GPC5: variants seen among roughly 807,000 people sequenced by gnomAD.
GPC5 encodes glypican-5.
A neutral mutation model predicts 53.9 loss-of-function variants in GPC5; 47 were observed. That is an observed-to-expected ratio of 0.87 (90% CI 0.69 to 1.11). The LOEUF is 1.11. Among genes scored for constraint, GPC5 ranks in the 50% most tolerant of loss-of-function variants. The pLI is 0.00. For synonymous variants in GPC5, 286 were observed against 263.3 expected (o/e 1.09, Z -0.84); for missense variants, 748 against 713.1 (o/e 1.05, Z -0.56).
Position 92,454,284 on chromosome 13 carries a change from C to A in GPC5, c.1561+309295C>A, listed in dbSNP as rs34322289. Among the ~76,000 whole-genome samples the A allele has an allele frequency of 5.2e-3, 785 of 152,178 alleles. 11 individuals carry two copies. The highest frequency in any genetic ancestry group is 0.02 in the Middle Eastern group (6 of 294). On this transcript the variant is annotated intron_variant, in intron 7 of 7. Coordinates refer to ENST00000377067, the MANE Select transcript of GPC5 (RefSeq NM_004466.6). ...TCTCATAAATGTGACTTGTCTTTAT[C>A]AAAAATTGATTTACTGGTTTTATGT... is the stretch of plus-strand genomic sequence containing the variant.
chr13:91,734,754 A>C (rs1314034586), intron 4 of GPC5, among the ~76,000 whole-genome samples: 1 of 151,352 alleles, frequency 6.6e-6, no homozygotes, highest in Non-Finnish European at 1.5e-5. Context: ...CATATCTTTA[A>C]TTTCCAAATA....
intron 5 of GPC5, among the ~76,000 whole-genome samples, chr13:91,870,264 G>C (rs189499016): frequency 4.6e-5 from 7 of 152,288 alleles, no homozygotes; most frequent in Non-Finnish European, 1.0e-4. Context: ...TCAAGAACAA[G>C]AGAATGGTTT....
intron 1 of GPC5, among the ~76,000 whole-genome samples, chr13:91,441,310 A>T (rs1315410457): frequency 6.6e-6 from 1 of 152,194 alleles, no homozygotes; most frequent in Non-Finnish European, 1.5e-5. Context: ...GCCATTAAAG[A>T]GGTGTTATCA....
At chr13:91,924,973 A>C (rs998033473) in intron 6 of GPC5, among the ~76,000 whole-genome samples, 1 of 151,834 alleles carries the variant, frequency 6.6e-6, no homozygotes, top group South Asian at 2.1e-4. Flanking sequence ...GTGCCTGCCA[A>C]CACGCCCAGC....
At chr13:92,289,853 G>A (rs1297163439) in intron 7 of GPC5, among the ~76,000 whole-genome samples, 2 of 151,750 alleles carry the variant, frequency 1.3e-5, no homozygotes, top group Non-Finnish European at 2.9e-5. Context: ...TTTTTCAAAA[G>A]CTCATAATCT....
intron 5 of GPC5, among the ~76,000 whole-genome samples, chr13:91,803,604 G>T (rs189217984): frequency 3.7e-3 from 562 of 152,186 alleles, no homozygotes; most frequent in Non-Finnish European, 5.7e-3. Context: ...AAAGGTGTGC[G>T]TGTTACCCAG....
At chr13:92,736,683 A>G (rs531996449) in intron 7 of GPC5, among the ~76,000 whole-genome samples, 20 of 151,960 alleles carry the variant, frequency 1.3e-4, no homozygotes, top group African/African-American at 4.1e-4. Context: ...TCTGTTTACC[A>G]CAATCTTTTT....
intron 7 of GPC5, among the ~76,000 whole-genome samples, chr13:92,860,661 A>C (rs1259825129): frequency 6.6e-6 from 1 of 152,142 alleles, no homozygotes; most frequent in African/African-American, 2.4e-5. Context: ...GACCAAAGTT[A>C]ACAGTTTAAA....
intron 2 of GPC5, among the ~76,000 whole-genome samples, chr13:91,530,939 T>G (rs1295966755): frequency 6.6e-6 from 1 of 152,242 alleles, no homozygotes; most frequent in Non-Finnish European, 1.5e-5. Context: ...TTCTTTGGTA[T>G]CATGGTATGG....
At chr13:91,688,481 A>C (rs775230321) in intron 2 of GPC5, among the ~76,000 whole-genome samples, 3 of 152,176 alleles carry the variant, frequency 2.0e-5, no homozygotes, top group Non-Finnish European at 2.9e-5. Context: ...TATCAGGTTT[A>C]ATACATATTG....
chr13:92,613,634 T>C (rs1884573816), intron 7 of GPC5, among the ~76,000 whole-genome samples: 1 of 137,078 alleles, frequency 7.3e-6, no homozygotes, highest in African/African-American at 2.7e-5. Context: ...TATTATATTT[T>C]ATAAATATTA....
chr13:91,840,596 C>G (rs1447162377), intron 5 of GPC5, among the ~76,000 whole-genome samples: 1 of 151,858 alleles, frequency 6.6e-6, no homozygotes, highest in Non-Finnish European at 1.5e-5. Context: ...GTTTGTTCCC[C>G]TCCCCTGCAA....
At chr13:92,623,175 AAAG>A (rs1355485186) in intron 7 of GPC5, among the ~76,000 whole-genome samples, 1 of 152,200 alleles carries the variant, frequency 6.6e-6, no homozygotes, top group South Asian at 2.1e-4. Context: ...CAAAAAAAAA[AAAG>A]AAAAGTGAAA....
chr13:92,531,926 T>C (rs1032798238), intron 7 of GPC5, among the ~76,000 whole-genome samples: 10 of 152,290 alleles, frequency 6.6e-5, no homozygotes, highest in Non-Finnish European at 1.3e-4. Flanking sequence ...AGTAATCAAA[T>C]TTGGACATTG....
intron 6 of GPC5, among the ~76,000 whole-genome samples, chr13:91,962,642 C>G (rs931386785): frequency 2.0e-5 from 3 of 151,934 alleles, no homozygotes; most frequent in African/African-American, 7.3e-5. Flanking sequence ...TCATCCATGG[C>G]AAATAAAATG....
At chr13:92,479,046 A>G (rs1879253623) in intron 7 of GPC5, among the ~76,000 whole-genome samples, 1 of 152,156 alleles carries the variant, frequency 6.6e-6, no homozygotes. Context: ...TGTACCTCCA[A>G]TATTCTGTAT....
intron 7 of GPC5, among the ~76,000 whole-genome samples, chr13:92,498,463 A>G (rs1399837391): frequency 6.6e-6 from 1 of 152,140 alleles, no homozygotes; most frequent in Non-Finnish European, 1.5e-5. Flanking sequence ...CCCTTGGCCC[A>G]ACTCCTGAGA....
intron 2 of GPC5, among the ~76,000 whole-genome samples, chr13:91,450,711 T>C (rs1018623262): frequency 6.6e-6 from 1 of 152,154 alleles, no homozygotes; most frequent in African/African-American, 2.4e-5. Context: ...CTTTATTCAT[T>C]AGGTTGAGTT....
intron 7 of GPC5, among the ~76,000 whole-genome samples, chr13:92,810,030 G>A (rs1340188607): frequency 6.6e-6 from 1 of 151,958 alleles, no homozygotes; most frequent in Non-Finnish European, 1.5e-5. Context: ...TACTATAAAA[G>A]AGATTTCACT....
Sources: gnomAD v4.1 joint callset for allele counts (sites outside exome capture counted in the v4.1 genomes callset) on GRCh38, gnomAD v4.1.1 for gene constraint, MANE v1.5 for transcripts, NCBI Gene and HGNC (gene_info 2026-07-23, HGNC 2026-07-21) for gene names.